XPNPEP2: variants seen among roughly 807,000 people sequenced by gnomAD.
XPNPEP2 encodes the protein X-prolyl aminopeptidase 2.
XPNPEP2 carries 64 observed loss-of-function variants against 59.8 expected under a neutral mutation model. The observed-to-expected ratio is 1.07, with a 90% CI of 0.87 to 1.32. The LOEUF is 1.32. Among genes scored for constraint, XPNPEP2 ranks in the 40% most tolerant of loss-of-function variants. XPNPEP2 has a pLI of 0.00. For missense variants in XPNPEP2, 575 were observed against 546.8 expected, an observed-to-expected ratio of 1.05 and a Z score of -0.51; for synonymous variants, 235 against 210.0, an observed-to-expected ratio of 1.12 and a Z score of -1.03.
chrX:129,739,171 C>G lies in XPNPEP2; in HGVS notation c.-43C>G, dbSNP rs1926125685. On this transcript the variant is annotated 5_prime_UTR_variant, in exon 1 of 21. Transcript: ENST00000371106. ...GCCGGGGAAAGAGCCCTCCCTCTCT[C>G]CCTTGTCCCTCCATCCACCCAGCGC... 1 of 1,190,191 alleles carries G rather than the reference C, an allele frequency of 8.4e-7. No homozygotes were observed. The highest frequency in any genetic ancestry group is 1.1e-6 in the Non-Finnish European group (1 of 883,482).
chrX:129,758,397 C>A (rs1485190228), intron 14 of XPNPEP2, among the ~76,000 whole-genome samples: 1 of 111,020 alleles, frequency 9.0e-6, no homozygotes, highest in African/African-American at 3.3e-5. Flanking sequence ...AGAAGGTCAC[C>A]ACACCCCATG....
Position 129,768,300 on chromosome X carries a change from C to G in XPNPEP2, c.1840C>G (p.Leu614Val). ...SLLSPEHLQY[L>V]NRYYQTIREK... The stretch of plus-strand genomic sequence containing the variant: ...CTTCTATCCTTCGCAGCTCCAGTAC[C>G]TGAATCGCTACTACCAGACCATCCG... Residue 614 changes from leucine (L) to valine (V), a missense_variant, in exon 21 of 21, where the codon CTG (leucine) becomes GTG (valine). Physicochemically the swap from Leu to Val is conservative, Grantham distance 32. Transcript: ENST00000371106. 8.5e-7 allele frequency: 1 copy of G among 1,172,081 alleles called. No homozygotes were observed. Among genetic ancestry groups the G allele is most frequent in the East Asian group, 3.0e-5 (1 of 33,173 alleles).
At chrX:129,758,001 G>T (rs1008758049) in intron 14 of XPNPEP2, among the ~76,000 whole-genome samples, 2 of 111,086 alleles carry the variant, frequency 1.8e-5, no homozygotes, top group African/African-American at 6.6e-5. Context: ...ACGTGTGACT[G>T]ATCATTCACA....
At chrX:129,747,453 C>T (rs1167229938) in intron 6 of XPNPEP2, among the ~76,000 whole-genome samples, 154 bp from the exon 7 acceptor site, 7 of 110,451 alleles carry the variant, frequency 6.3e-5, no homozygotes, top group South Asian at 3.8e-4. Flanking sequence ...GCATACATGC[C>T]GGGGGTGGGG....
Position 129,755,389 on chromosome X carries a change from AT to A in XPNPEP2, c.1295+22del. ...CACTACAGGTACTTGAGGAAAAAGA[AT>A]TTTCTAGGGCCCTGTTGGGGCATCC... On this transcript the variant is annotated intron_variant, in intron 13 of 20. Transcript: ENST00000371106. 1 of 1,196,322 alleles carries A rather than the reference AT, an allele frequency of 8.4e-7. No individual in the cohort carries two copies. The highest frequency in any genetic ancestry group is 3.0e-5 in the East Asian group (1 of 33,728).
chrX:129,748,195 G>C (rs745671882), intron 7 of XPNPEP2, among the ~76,000 whole-genome samples: 3 of 111,978 alleles, frequency 2.7e-5, no homozygotes, highest in Admixed American at 1.9e-4. Context: ...GAGATGGCTG[G>C]GGTCAGGTGG....
rs1285508386 is a variant in XPNPEP2, at chrX:129,759,200, C to G, written c.1388C>G (p.Thr463Ser). The G allele has an allele frequency of 2.5e-6, 3 of 1,210,161 alleles. No homozygotes were observed. The highest frequency in any genetic ancestry group is 2.2e-5 in the Admixed American group (1 of 45,804). The change falls in exon 15 of 21, where the codon ACC (threonine) becomes AGC (serine). Residue 463 changes from threonine (T) to serine (S), a missense_variant. Transcript: ENST00000371106. ...GQYWDGTTDITRTVHWGTPSA... is the reference protein window; with the variant it reads ...GQYWDGTTDISRTVHWGTPSA... Reference sequence around the variant, plus strand: ...CATAGGGACGGGACCACAGACATCACCAGAACAGTCCACTGGGGCACCCCC... The same window carrying G: ...CATAGGGACGGGACCACAGACATCAGCAGAACAGTCCACTGGGGCACCCCC...
chrX:129,743,152 G>A (rs1926229703), intron 2 of XPNPEP2, among the ~76,000 whole-genome samples: 1 of 112,514 alleles, frequency 8.9e-6, no homozygotes, highest in Non-Finnish European at 1.9e-5. Context: ...GACCCCTGGG[G>A]CAGGCAGGTG....
chrX:129,764,334 A>T lies in XPNPEP2; in HGVS notation c.1740+1564A>T, dbSNP rs757666321. Reference sequence around the variant, plus strand: ...AATTAACACCAAATGGTCCACATGCATGTGGAAAGATGCTCAAGTTCATCC... The same window carrying T: ...AATTAACACCAAATGGTCCACATGCTTGTGGAAAGATGCTCAAGTTCATCC... On this transcript the variant is annotated intron_variant, in intron 19 of 20. Coordinates refer to ENST00000371106, the MANE Select transcript of XPNPEP2 (RefSeq NM_003399.6). Among the ~76,000 whole-genome samples the T allele has an allele frequency of 4.5e-5, 5 of 110,366 alleles. No individual in the cohort carries two copies. The East Asian group carries it at 1.1e-3, about 25-fold the overall frequency.
intron 14 of XPNPEP2, among the ~76,000 whole-genome samples, chrX:129,756,870 C>A: frequency 9.4e-6 from 1 of 106,454 alleles, no homozygotes; most frequent in South Asian, 4.3e-4. Context: ...CTCACTCTGT[C>A]GCCCAGGTTT....
intron 6 of XPNPEP2, 28 bp from the exon 7 acceptor site, chrX:129,747,579 G>A (rs777479583): frequency 1.7e-6 from 2 of 1,207,004 alleles, no homozygotes. Flanking sequence ...ATGGGCAAGG[G>A]ACAAGTGACT....
At chrX:129,754,344 A>G (rs1294932074) in intron 11 of XPNPEP2, 128 bp from the exon 12 acceptor site, 3 of 531,303 alleles carry the variant, frequency 5.6e-6, no homozygotes, top group Middle Eastern at 5.8e-4. Flanking sequence ...GAATTCTTTG[A>G]CATCAAATAG....
chrX:129,759,234 C>T lies in XPNPEP2; in HGVS notation c.1422C>T (p.Phe474=). ...RTVHWGTPSA[F]QKEAYTRVLI... The stretch of plus-strand genomic sequence containing the variant: ...TCCACTGGGGCACCCCCTCTGCCTT[C>T]CAGAAGGTAAGCATGGGCCCAGATT... Residue 474 remains phenylalanine (F), a synonymous_variant, in exon 15 of 21, where the codon TTC becomes TTT. Coordinates refer to ENST00000371106, the MANE Select transcript of XPNPEP2 (RefSeq NM_003399.6). 1 of 1,211,906 alleles carries T rather than the reference C, an allele frequency of 8.3e-7. No individual in the cohort carries two copies. Among genetic ancestry groups the T allele is most frequent in the South Asian group, 1.8e-5 (1 of 57,022 alleles).
intron 15 of XPNPEP2, 124 bp downstream of exon 15, chrX:129,759,364 G>T: frequency 1.2e-6 from 1 of 848,016 alleles, no homozygotes; most frequent in South Asian, 2.4e-5. Context: ...TGCCCAAGGT[G>T]ACACCACTGG....
chrX:129,751,905 T>C, intron 9 of XPNPEP2, 79 bp downstream of exon 9: 1 of 1,019,117 alleles, frequency 9.8e-7, no homozygotes, highest in Non-Finnish European at 1.4e-6. Context: ...GATCCCGCCT[T>C]AATATACAGC....
intron 6 of XPNPEP2, 29 bp downstream of exon 6, chrX:129,746,710 G>A: frequency 8.5e-7 from 1 of 1,177,636 alleles, no homozygotes; most frequent in Non-Finnish European, 1.2e-6. Context: ...CCCTGAATTT[G>A]TCCATGCTAA....
chrX:129,768,164 G>T (rs764393467), intron 20 of XPNPEP2, 127 bp from the exon 21 acceptor site: 44 of 606,676 alleles, frequency 7.3e-5, no homozygotes, highest in Middle Eastern at 1.1e-3. Flanking sequence ...TGATGATGGT[G>T]GGGGACCTGT....
chrX:129,739,255 C>T lies in XPNPEP2; in HGVS notation c.42C>T (p.Leu14=), dbSNP rs745569613. The T allele has an allele frequency of 3.3e-6, 4 of 1,209,519 alleles. No homozygotes were observed. Among genetic ancestry groups the T allele is most frequent in the Admixed American group, 2.2e-5 (1 of 46,040 alleles). The change falls in exon 1 of 21, where the codon CTC becomes CTT. Residue 14 remains leucine, a synonymous_variant. Coordinates refer to ENST00000371106, the MANE Select transcript of XPNPEP2 (RefSeq NM_003399.6). ...GGGGCTGCTGCCCCTGGCTGGTCCT[C>T]CTCTGTGGTATGTGCATCCTAGCTT... ...AHWGCCPWLV[L]LCACAWGHTK...
chrX:129,747,041 A>G (rs150888139), intron 6 of XPNPEP2, among the ~76,000 whole-genome samples: 6 of 110,442 alleles, frequency 5.4e-5, no homozygotes, highest in Non-Finnish European at 1.1e-4. Context: ...TCACATGGTA[A>G]CCCTCTTCTG....
Sources: allele counts gnomAD v4.1 joint callset (sites outside exome capture counted in the v4.1 genomes callset), GRCh38; gene constraint gnomAD v4.1.1; transcripts MANE v1.5; gene names NCBI Gene and HGNC (gene_info 2026-07-23, HGNC 2026-07-21).